S1PR3: variants seen among roughly 807,000 people sequenced by gnomAD.
The protein encoded by S1PR3 is sphingosine 1-phosphate receptor 3.
S1PR3 carries 12 observed loss-of-function variants against 13.3 expected under a neutral mutation model. The ratio of observed to expected loss-of-function variants is 0.90; its 90% CI spans 0.58 to 1.46. The LOEUF is 1.46. Among genes scored for constraint, S1PR3 ranks in the 40% most tolerant of loss-of-function variants. The probability of loss-of-function intolerance (pLI) is 0.00; values close to 1 mark genes in which losing one functional copy is unlikely to be tolerated. For missense variants in S1PR3, 450 were observed against 501.9 expected (o/e 0.90, Z 0.99); for synonymous variants, 232 against 214.0 (o/e 1.08, Z -0.73).
In S1PR3 at chr9:89,004,863, C is replaced by T. The variant is rs1322884530; in HGVS notation, c.*2526C>T. ...AATTTACCAGGGAATGTTTCAAAGCCCTAACCTTGAAGTTTGGAAACAGGT... is the reference window on the plus strand; with the variant it reads ...AATTTACCAGGGAATGTTTCAAAGCTCTAACCTTGAAGTTTGGAAACAGGT... On this transcript the variant is annotated 3_prime_UTR_variant, in exon 2 of 2. Transcript: ENST00000358157. 1 of 167,044 alleles carries T rather than the reference C, an allele frequency of 6.0e-6. No individual in the cohort carries two copies. The highest frequency in any genetic ancestry group is 1.5e-5 in the Non-Finnish European group (1 of 68,108). 10.3% of individuals were successfully genotyped at this position (167,044 alleles called of 1,614,324 possible).
chr9:88,995,597 TGA>T, intron 1 of S1PR3: 1 of 167,198 alleles, frequency 6.0e-6, no homozygotes, highest in South Asian at 2.1e-4. Flanking sequence ...TAAAATGCTT[TGA>T]GGTAGGCTGG....
Position 88,991,583 on chromosome 9 carries a change from G to T in S1PR3, c.-260G>T. On this transcript the variant is annotated 5_prime_UTR_variant, in exon 1 of 2. Coordinates refer to ENST00000358157, the MANE Select transcript of S1PR3 (RefSeq NM_005226.4). This position sits in a 1 kb window ranked among gnomAD's most constrained non-coding sequence, Gnocchi z 4.0. ...CCGGGAACGACGTCGCGAGCGCTGA[G>T]ACTGCCGGGCCTCCCAGCCCATCTG... 2 of 1,544,776 alleles carry T rather than the reference G, an allele frequency of 1.3e-6. No homozygotes were observed. Among genetic ancestry groups the T allele is most frequent in the African/African-American group, 1.4e-5 (1 of 72,274 alleles).
intron 1 of S1PR3, chr9:88,992,463 A>C (rs62551536): frequency 0.037 from 5,974 of 162,732 alleles, 165 homozygotes; most frequent in Middle Eastern, 0.067. Context: ...AGAGCTCTTT[A>C]GAAGGTTACT....
rs965241655 is a variant in S1PR3, at chr9:89,004,505, T to C, written c.*2168T>C. 4.2e-5 allele frequency: 7 copies of C among 167,144 alleles called. No individual in the cohort carries two copies. Among genetic ancestry groups the C allele is most frequent in the Non-Finnish European group, 1.0e-4 (7 of 68,128 alleles). The allele number at this position is 167,144 out of a possible 1,614,324, so 10.4% of individuals were successfully genotyped here. ...GTGATGAAATGACTTTGGAACTTTA[T>C]CTGTGTTATAGTTATGAGTTGCTTT... On this transcript the variant is annotated 3_prime_UTR_variant, in exon 2 of 2. Coordinates refer to ENST00000358157, the MANE Select transcript of S1PR3 (RefSeq NM_005226.4).
intron 1 of S1PR3, chr9:88,993,000 A>G (rs1825744089): frequency 6.6e-6 from 1 of 152,654 alleles, no homozygotes. Context: ...AACTGAAGCT[A>G]GCCCTTAAGA....
At chr9:88,990,917 G>A (rs1463401468), upstream of S1PR3, 16 of 1,573,692 alleles carry the variant, frequency 1.0e-5, no homozygotes, top group East Asian at 3.4e-4. Context: ...GGAAAAGGAA[G>A]AAGCCCAAAC....
At position 89,003,033 on chromosome 9, in the gene S1PR3, C is replaced by T. The variant is rs1440472868; in HGVS notation, c.*696C>T. On this transcript the variant is annotated 3_prime_UTR_variant, in exon 2 of 2. Coordinates refer to ENST00000358157, the MANE Select transcript of S1PR3 (RefSeq NM_005226.4). ...CAGCCCTGTGTCCTGTCCTTTCAGT[C>T]ATTTGTCCCTGCGTAATTTTAATCG... 6.0e-6 allele frequency: 1 copy of T among 167,110 alleles called. No homozygotes were observed. Among genetic ancestry groups the T allele is most frequent in the Non-Finnish European group, 1.5e-5 (1 of 68,164 alleles). The allele number at this position is 167,110 out of a possible 1,614,324, so 10.4% of individuals were successfully genotyped here.
Position 89,002,124 on chromosome 9 carries a change from C to T in S1PR3, c.924C>T (p.Ala308=). Residue 308 remains alanine (A), a synonymous_variant, in exon 2 of 2, where the codon GCC becomes GCT. Transcript: ENST00000358157. ...TGGCCAGCAAGGAGATGCGGCGGGC[C>T]TTCTTCCGTCTGGTCTGCAACTGCC... ...YTLASKEMRR[A]FFRLVCNCLV... The T allele has an allele frequency of 6.2e-7, 1 of 1,613,818 alleles. No individual in the cohort carries two copies. The highest frequency in any genetic ancestry group is 8.5e-7 in the Non-Finnish European group (1 of 1,180,012).
Position 89,002,002 on chromosome 9 carries a change from GC to G in S1PR3, c.804del (p.Cys269AlafsTer25). ...CTTCATCCTCTTCCTCATTGATGTG[GC>G]CTGCAGGGTGCAGGCGTGCCCCATC... is the stretch of plus-strand genomic sequence containing the variant. ...PLFILFLIDV[A>X]CRVQACPILF... is the part of the protein sequence containing the mutation. On this transcript the variant is annotated frameshift_variant, in exon 2 of 2. Transcript: ENST00000358157. LOFTEE classifies it high-confidence loss of function. 2 of 1,614,068 alleles carry G rather than the reference GC, an allele frequency of 1.2e-6. No homozygotes were observed. Among genetic ancestry groups the G allele is most frequent in the South Asian group, 2.2e-5 (2 of 91,078 alleles).
chr9:89,002,420 C>A lies in S1PR3; in HGVS notation c.*83C>A. 6.8e-7 allele frequency: 1 copy of A among 1,474,674 alleles called. No homozygotes were observed. Among genetic ancestry groups the A allele is most frequent in the Non-Finnish European group, 9.2e-7 (1 of 1,090,754 alleles). 91.3% of individuals were successfully genotyped at this position (1,474,674 alleles called of 1,614,324 possible). ...CACAGGGGCCCCTCAAGAGCTGTGACTCGGGAGAGCTACCTTACTTTGACC... is the reference window on the plus strand; with the variant it reads ...CACAGGGGCCCCTCAAGAGCTGTGAATCGGGAGAGCTACCTTACTTTGACC... On this transcript the variant is annotated 3_prime_UTR_variant, in exon 2 of 2. Transcript: ENST00000358157.
chr9:89,002,596 T>C lies in S1PR3; in HGVS notation c.*259T>C. 3.6e-6 allele frequency: 2 copies of C among 548,552 alleles called. No homozygotes were observed. Among genetic ancestry groups the C allele is most frequent in the Non-Finnish European group, 3.4e-6 (1 of 297,922 alleles). 34.0% of individuals were successfully genotyped at this position (548,552 alleles called of 1,614,324 possible). A position where few individuals can be genotyped will look rare whatever the true frequency, so the allele number is the denominator to read the frequency against. ...ACATCATCCACTGCCTTCTGCTGCA[T>C]CCTAGACACCCTCCCTGTTGTTCAC... On this transcript the variant is annotated 3_prime_UTR_variant, in exon 2 of 2. Transcript: ENST00000358157.
Position 88,991,893 on chromosome 9 carries a change from C to G in S1PR3, c.-148+198C>G. The G allele has an allele frequency of 6.2e-7, 1 of 1,614,176 alleles. No individual in the cohort carries two copies. The highest frequency in any genetic ancestry group is 8.5e-7 in the Non-Finnish European group (1 of 1,180,034). ...GGGAGGAGGCCTTTTCCACCGCACC[C>G]GGAGCGTTTACAACGGGCTGGAGCT... is the stretch of plus-strand genomic sequence containing the variant. On this transcript the variant is annotated intron_variant, in intron 1 of 1. Coordinates refer to ENST00000358157, the MANE Select transcript of S1PR3 (RefSeq NM_005226.4). This position sits in a 1 kb window ranked among gnomAD's most constrained non-coding sequence, Gnocchi z 4.0.
Position 88,991,551 on chromosome 9 carries a change from C to A in S1PR3, c.-292C>A. The stretch of plus-strand genomic sequence containing the variant: ...GCTGCAGGACGCGACCGAGCAGGAC[C>A]CCAGGCCCGGGAACGACGTCGCGAG... On this transcript the variant is annotated 5_prime_UTR_variant, in exon 1 of 2. Coordinates refer to ENST00000358157, the MANE Select transcript of S1PR3 (RefSeq NM_005226.4). The surrounding 1 kb of genome is among the most constrained non-coding windows in gnomAD (Gnocchi z 4.0). 6.5e-7 allele frequency: 1 copy of A among 1,546,266 alleles called. No homozygotes were observed. Among genetic ancestry groups the A allele is most frequent in the Non-Finnish European group, 8.7e-7 (1 of 1,145,554 alleles).
At chr9:88,992,543 A>T (rs1825735273) in intron 1 of S1PR3, 1 of 152,772 alleles carries the variant, frequency 6.5e-6, no homozygotes, top group Non-Finnish European at 1.5e-5. Flanking sequence ...AGAATTAGGC[A>T]TCATTCTAAA....
At chr9:88,999,641 T>A (rs1160067235) in intron 1 of S1PR3, 1 of 152,228 alleles carries the variant, frequency 6.6e-6, no homozygotes, top group Admixed American at 6.5e-5. Context: ...AAAAATTCAC[T>A]GGATACACAC....
rs1229532315 is a variant in S1PR3, at chr9:89,004,087, T to G, written c.*1750T>G. 1.2e-5 allele frequency: 2 copies of G among 165,826 alleles called. No individual in the cohort carries two copies. Among genetic ancestry groups the G allele is most frequent in the African/African-American group, 4.8e-5 (2 of 41,454 alleles). 10.3% of individuals were successfully genotyped at this position (165,826 alleles called of 1,614,324 possible). ...AGGGCATTTCTAGGACAGTAAAACG[T>G]TAAAGTACTGGATTAAGAAAACAAC... On this transcript the variant is annotated 3_prime_UTR_variant, in exon 2 of 2. Transcript: ENST00000358157.
intron 1 of S1PR3, chr9:88,996,231 A>C (rs536193384): frequency 6.6e-6 from 1 of 152,332 alleles, no homozygotes; most frequent in South Asian, 2.1e-4. Context: ...TGAGAAACCC[A>C]GTGCCTCCGA....
chr9:88,994,153 C>G (rs1296992880), intron 1 of S1PR3: 1 of 167,082 alleles, frequency 6.0e-6, no homozygotes, highest in Non-Finnish European at 1.5e-5. Flanking sequence ...AGAGCTCATC[C>G]CTAATGTGAC....
chr9:89,002,294 T>G lies in S1PR3; in HGVS notation c.1094T>G (p.Met365Arg), dbSNP rs1017102756. 3.7e-6 allele frequency: 6 copies of G among 1,613,998 alleles called. No homozygotes were observed. The highest frequency in any genetic ancestry group is 5.1e-6 in the Non-Finnish European group (6 of 1,180,036). ...CACACAGCCCCCTCATCCTGCATCA[T>G]GGACAAGAACGCAGCACTTCAGAAT... ...LPHTAPSSCI[M>R]DKNAALQNGI... is the part of the protein sequence containing the mutation. Residue 365 changes from methionine (M) to arginine (R), a missense_variant, in exon 2 of 2, where the codon ATG becomes AGG. Transcript: ENST00000358157.
Sources: allele counts gnomAD v4.1 joint callset, GRCh38; gene constraint gnomAD v4.1.1; non-coding constraint Gnocchi (gnomAD v3.1); transcripts MANE v1.5; gene names NCBI Gene and HGNC (gene_info 2026-07-23, HGNC 2026-07-21).